Variants in NCALD observed in about 807,000 individuals in gnomAD.
NCALD encodes the protein neurocalcin-delta.
In NCALD, 10 loss-of-function variants were observed where a neutral mutation model predicts 18.6. The ratio of observed to expected loss-of-function variants is 0.54; its 90% CI spans 0.33 to 0.91. NCALD has a LOEUF of 0.91. Ranked by LOEUF, NCALD falls within the 40% of genes least tolerant of loss-of-function variation. NCALD has a pLI of 0.03. For synonymous variants in NCALD, 88 were observed against 87.4 expected, an observed-to-expected ratio of 1.01 and a Z score of -0.04; for missense variants, 184 against 247.6, an observed-to-expected ratio of 0.74 and a Z score of 1.72.
intron 1 of NCALD, among the ~76,000 whole-genome samples, chr8:101,781,141 T>A (rs138514286): frequency 8.6e-4 from 131 of 151,840 alleles, no homozygotes; most frequent in African/African-American, 3.0e-3. Flanking sequence ...CTTTAATGGT[T>A]AAATAGCTTC....
chr8:102,022,745 C>G (rs1290306181), intron 1 of NCALD, among the ~76,000 whole-genome samples: 1 of 152,140 alleles, frequency 6.6e-6, no homozygotes, highest in Non-Finnish European at 1.5e-5. Flanking sequence ...TCCCACACAT[C>G]CAGACCAAAA....
At chr8:102,049,617 C>T (rs1823360775) in intron 1 of NCALD, among the ~76,000 whole-genome samples, 1 of 152,118 alleles carries the variant, frequency 6.6e-6, no homozygotes, top group Non-Finnish European at 1.5e-5. Context: ...AAACAAGCAT[C>T]CTGTCTTCCA....
chr8:101,990,893 G>A (rs1302514147), intron 2 of NCALD, among the ~76,000 whole-genome samples: 1 of 152,134 alleles, frequency 6.6e-6, no homozygotes, highest in East Asian at 1.9e-4. Context: ...GTAACTTGCA[G>A]AACAAAAATC....
At chr8:102,026,425 G>C (rs1409254219) in intron 1 of NCALD, among the ~76,000 whole-genome samples, 2 of 152,160 alleles carry the variant, frequency 1.3e-5, no homozygotes, top group Non-Finnish European at 2.9e-5. Context: ...AAAACAAAGT[G>C]GTTACAGGCC....
intron 2 of NCALD, among the ~76,000 whole-genome samples, chr8:101,957,302 T>TTG (rs1819670758): frequency 6.7e-6 from 1 of 148,292 alleles, no homozygotes; most frequent in African/African-American, 2.5e-5. Flanking sequence ...TTTTTTTTTT[T>TTG]TTTTTTTTTT....
chr8:101,905,297 C>A (rs1817574213), intron 3 of NCALD, among the ~76,000 whole-genome samples: 1 of 151,884 alleles, frequency 6.6e-6, no homozygotes, highest in South Asian at 2.1e-4. Context: ...CTCTCTCTCT[C>A]TCTCTGGTGT....
chr8:101,860,792 T>C (rs999276956), intron 4 of NCALD, among the ~76,000 whole-genome samples: 2 of 152,056 alleles, frequency 1.3e-5, no homozygotes, highest in African/African-American at 4.8e-5. Context: ...TCTTACACTA[T>C]AAGGAGATTG....
At chr8:101,804,789 TTTA>T (rs1813038376) in intron 4 of NCALD, among the ~76,000 whole-genome samples, 2 of 150,742 alleles carry the variant, frequency 1.3e-5, no homozygotes, top group African/African-American at 4.9e-5. Flanking sequence ...AAACATAACT[TTTA>T]TATGTACCGA....
chr8:101,951,900 T>TC (rs1411594725), intron 2 of NCALD, among the ~76,000 whole-genome samples: 2 of 152,094 alleles, frequency 1.3e-5, no homozygotes, highest in Non-Finnish European at 2.9e-5. Flanking sequence ...CCCCTGGTCC[T>TC]CTCCAGAGCA....
At chr8:102,040,680 G>T (rs970747472) in intron 1 of NCALD, among the ~76,000 whole-genome samples, 2 of 140,072 alleles carry the variant, frequency 1.4e-5, no homozygotes, top group Non-Finnish European at 3.1e-5. Context: ...GGGATGAGCA[G>T]AACTATGGTT....
At chr8:101,729,154 C>A (rs909219356) in intron 1 of NCALD, among the ~76,000 whole-genome samples, 80 of 152,130 alleles carry the variant, frequency 5.3e-4, no homozygotes, top group African/African-American at 1.8e-3. Context: ...AAATAAAAAC[C>A]CGAAGAGCAC....
intron 3 of NCALD, among the ~76,000 whole-genome samples, chr8:101,893,771 C>T (rs1420870479): frequency 4.3e-5 from 6 of 138,570 alleles, no homozygotes; most frequent in Non-Finnish European, 9.1e-5. Context: ...CAAAGAAGGC[C>T]ATTACATAAT....
intron 1 of NCALD, among the ~76,000 whole-genome samples, chr8:101,749,600 A>G (rs1810568105): frequency 6.6e-6 from 1 of 152,200 alleles, no homozygotes; most frequent in African/African-American, 2.4e-5. Context: ...AGTACATGAT[A>G]TACAAGGTTG....
intron 1 of NCALD, among the ~76,000 whole-genome samples, chr8:102,115,248 T>G (rs888603670): frequency 2.0e-5 from 3 of 152,188 alleles, no homozygotes; most frequent in Non-Finnish European, 4.4e-5. Context: ...AAAGTTAATA[T>G]TAACCAGAGT....
At chr8:101,906,169 A>G (rs1173768899) in intron 3 of NCALD, among the ~76,000 whole-genome samples, 1 of 152,184 alleles carries the variant, frequency 6.6e-6, no homozygotes, top group Non-Finnish European at 1.5e-5. Context: ...GACACAGACC[A>G]CACCTGCTGC....
At chr8:102,094,053 A>G (rs1441195059) in intron 1 of NCALD, among the ~76,000 whole-genome samples, 1 of 152,206 alleles carries the variant, frequency 6.6e-6, no homozygotes, top group East Asian at 1.9e-4. Context: ...AGTGATGGAC[A>G]TTTCACCACC....
At position 102,114,954 on chromosome 8, in the gene NCALD, C is replaced by A. The variant is rs552906394; in HGVS notation, c.-210+9283G>T. 7.2e-5 allele frequency among the ~76,000 whole-genome samples: 11 copies of A among 152,324 alleles called. No individual in the cohort carries two copies. The East Asian group carries it at 1.9e-3, about 27-fold the overall frequency. ...AGGTGCCAGGTAGGTAAAAGGACAC[C>A]ATCCTCAGCATATGCACAAAGCCAG... On this transcript the variant is annotated intron_variant, in intron 1 of 6. Transcript: ENST00000311028.
At chr8:101,892,408 G>T (rs546683513) in intron 3 of NCALD, among the ~76,000 whole-genome samples, 1 of 149,004 alleles carries the variant, frequency 6.7e-6, no homozygotes, top group Non-Finnish European at 1.5e-5. Context: ...CCACAAAGAC[G>T]GGGAAAAAAC....
At chr8:102,089,504 G>A (rs117347694) in intron 1 of NCALD, among the ~76,000 whole-genome samples, 7,955 of 152,116 alleles carry the variant, frequency 0.052, 264 homozygotes, top group South Asian at 0.086. Context: ...TGTGTGTGGT[G>A]TTTACATATG....
Sources: gnomAD v4.1 joint callset for allele counts (sites outside exome capture counted in the v4.1 genomes callset) on GRCh38, gnomAD v4.1.1 for gene constraint, MANE v1.5 for transcripts, NCBI Gene and HGNC (gene_info 2026-07-23, HGNC 2026-07-21) for gene names.